The following SLC43A2 variants were observed in gnomAD, a reference collection of about 807,000 sequenced individuals.
SLC43A2 encodes the protein large neutral amino acids transporter small subunit 4.
Under a neutral mutation model 63.2 loss-of-function variants are expected in SLC43A2, and 38 were observed. That is an observed-to-expected ratio of 0.60 (90% CI 0.46 to 0.79). The LOEUF is 0.79. SLC43A2 is among the 30% of genes least tolerant of loss of function. SLC43A2 has a pLI of 0.00. For missense variants in SLC43A2, 644 were observed against 756.2 expected (o/e 0.85, Z 1.74); for synonymous variants, 322 against 331.0 (o/e 0.97, Z 0.30).
chr17:1,605,015 G>A lies in SLC43A2; in HGVS notation c.501+8180C>T. On this transcript the variant is annotated intron_variant, in intron 5 of 13. Transcript: ENST00000301335. The surrounding 1 kb of genome is among the most constrained non-coding windows in gnomAD (Gnocchi z 4.9). ...CTGGCGGAGGGGAAGGACCCCAGGA[G>A]GGGAAGGACCAGCTTTGCTGCCAAG... 7.0e-7 allele frequency: 1 copy of A among 1,431,330 alleles called. No homozygotes were observed. Among genetic ancestry groups the A allele is most frequent in the Non-Finnish European group, 9.1e-7 (1 of 1,094,144 alleles). The allele number at this position is 1,431,330 out of a possible 1,614,324, so 88.7% of individuals were successfully genotyped here.
At chr17:1,604,117 T>A (rs528202209) in intron 5 of SLC43A2, among the ~76,000 whole-genome samples, 1 of 152,316 alleles carries the variant, frequency 6.6e-6, no homozygotes, top group East Asian at 1.9e-4. Context: ...CTCAGCTCAC[T>A]TCAAGCTCCA....
chr17:1,599,849 C>G (rs935658348), intron 5 of SLC43A2, among the ~76,000 whole-genome samples: 2 of 150,834 alleles, frequency 1.3e-5, no homozygotes, highest in Non-Finnish European at 2.9e-5. Flanking sequence ...TCGAGACCAT[C>G]CTCGCTAACA....
chr17:1,597,965 C>T (rs1176113195), intron 5 of SLC43A2, among the ~76,000 whole-genome samples: 4 of 152,208 alleles, frequency 2.6e-5, no homozygotes, highest in South Asian at 2.1e-4. Flanking sequence ...GGACAAGCCT[C>T]GGTTCCCAAG....
intron 5 of SLC43A2, among the ~76,000 whole-genome samples, chr17:1,603,390 C>T (rs368445480): frequency 1.3e-5 from 2 of 152,254 alleles, no homozygotes. Flanking sequence ...GGTCATCCTT[C>T]ATGTTCTCTT....
At position 1,608,456 on chromosome 17, in the gene SLC43A2, C is replaced by T. The variant is rs200838523; in HGVS notation, c.501+4739G>A. Among the ~76,000 whole-genome samples, 11 of 151,850 alleles carry T rather than the reference C, an allele frequency of 7.2e-5. No individual in the cohort carries two copies. In the East Asian group the frequency reaches 7.7e-4, roughly 11 times the overall value. ...CCACCCAGGCTGGAGTGCAGTGGTG[C>T]GATCTCAGCTCACTGCAACCTCCGC... On this transcript the variant is annotated intron_variant, in intron 5 of 13. Transcript: ENST00000301335.
chr17:1,622,116 G>A (rs1052670125), intron 2 of SLC43A2, among the ~76,000 whole-genome samples: 1 of 152,180 alleles, frequency 6.6e-6, no homozygotes, highest in Non-Finnish European at 1.5e-5. Flanking sequence ...AAGAGCCAAG[G>A]CCACCAGCTC....
rs925809783 is a variant in SLC43A2 at position 1,612,503 on chromosome 17, C to T, written c.501+692G>A. Among the ~76,000 whole-genome samples, 5 of 152,214 alleles carry T rather than the reference C, an allele frequency of 3.3e-5. No homozygotes were observed. The East Asian group carries it at 5.8e-4, about 18-fold the overall frequency. On this transcript the variant is annotated intron_variant, in intron 5 of 13. Coordinates refer to ENST00000301335, the MANE Select transcript of SLC43A2 (RefSeq NM_152346.3). ...AAAGGCAAAGGTTGAGGCAGTTCCA[C>T]GGGAGGCGGGTGGTCAGGCTGCTCC... is the stretch of plus-strand genomic sequence containing the variant.
At chr17:1,594,787 A>T (rs1476658338) in intron 5 of SLC43A2, among the ~76,000 whole-genome samples, 2 of 151,308 alleles carry the variant, frequency 1.3e-5, no homozygotes, top group Non-Finnish European at 2.9e-5. Context: ...ACGGGGTTTC[A>T]CCACGTTAGC....
At position 1,575,762 on chromosome 17, in the gene SLC43A2, T is replaced by C. The variant is rs1219334128; in HGVS notation, c.1552A>G (p.Asn518Asp). 7 of 1,610,090 alleles carry C rather than the reference T, an allele frequency of 4.3e-6. No homozygotes were observed. Among genetic ancestry groups the C allele is most frequent in the Middle Eastern group, 1.9e-4 (1 of 5,218 alleles). ...GPLQGDPLWV[N>D]VGLLLLSLLG... ...AGGCTGAGAAGGAGCAGCCCCACGT[T>C]CACCTGGGGAGGCAGGGAGGCCGCG... Residue 518 changes from asparagine (N) to aspartate (D), a missense_variant, in exon 14 of 14, where the codon AAC becomes GAC. By Grantham distance (23) the Asn-to-Asp change is conservative. This residue lies in a region of SLC43A2 where 105 missense variants were observed against 101.7 expected (regional missense o/e 1.03). Transcript: ENST00000301335.
At chr17:1,622,318 T>G (rs984534106) in intron 2 of SLC43A2, among the ~76,000 whole-genome samples, 5 of 145,092 alleles carry the variant, frequency 3.4e-5, no homozygotes. Context: ...AATCCCAGCA[T>G]TGTGGGAGGC....
intron 5 of SLC43A2, among the ~76,000 whole-genome samples, chr17:1,601,944 C>T (rs1906077069): frequency 6.6e-6 from 1 of 151,050 alleles, no homozygotes; most frequent in Non-Finnish European, 1.5e-5. Flanking sequence ...GCACTGCCTT[C>T]CCGAAGGTCC....
At chr17:1,584,217 G>A (rs553634630) in intron 10 of SLC43A2, among the ~76,000 whole-genome samples, 26 of 152,082 alleles carry the variant, frequency 1.7e-4, no homozygotes, top group African/African-American at 3.6e-4. Context: ...ATTATCTCTC[G>A]TGAATGAACG....
chr17:1,583,551 T>C lies in SLC43A2; in HGVS notation c.1218-215A>G, dbSNP rs2076053640. 2 of 697,808 alleles carry C rather than the reference T, an allele frequency of 2.9e-6. No homozygotes were observed. Among genetic ancestry groups the C allele is most frequent in the Non-Finnish European group, 4.5e-6 (2 of 441,262 alleles). 43.2% of individuals were successfully genotyped at this position (697,808 alleles called of 1,614,324 possible). ...AGCTGAGTGTGACTCTCGGAGGGGGTCTCGGGTACAAGAAGATGGCCATCC... is the reference window on the plus strand; with the variant it reads ...AGCTGAGTGTGACTCTCGGAGGGGGCCTCGGGTACAAGAAGATGGCCATCC... On this transcript the variant is annotated intron_variant, in intron 10 of 13. Coordinates refer to ENST00000301335, the MANE Select transcript of SLC43A2 (RefSeq NM_152346.3). This position sits in a 1 kb window ranked among gnomAD's most constrained non-coding sequence, Gnocchi z 5.5.
intron 9 of SLC43A2, among the ~76,000 whole-genome samples, chr17:1,589,649 G>A (rs904195969): frequency 1.1e-4 from 17 of 151,960 alleles, no homozygotes; most frequent in Admixed American, 8.5e-4. Flanking sequence ...AGATGGAGTC[G>A]CACTCTGTCG....
rs753367068 is a variant in SLC43A2, at chr17:1,576,690, C to T, written c.1455G>A (p.Thr485=). The T allele has an allele frequency of 7.5e-6, 12 of 1,610,650 alleles. No individual in the cohort carries two copies. Among genetic ancestry groups the T allele is most frequent in the Middle Eastern group, 1.6e-4 (1 of 6,078 alleles). ...GCGCGCTGATCAGAGACTGCAGTCC[C>T]GTGAGGCTGCCGAACTGGGTGGAGG... ...VYPSTQFGSL[T]GLQSLISALF... The change falls in exon 13 of 14, where the codon ACG becomes ACA. Residue 485 remains threonine (T), a synonymous_variant. Coordinates refer to ENST00000301335, the MANE Select transcript of SLC43A2 (RefSeq NM_152346.3).
chr17:1,585,638 C>A, intron 10 of SLC43A2: 1 of 1,334,844 alleles, frequency 7.5e-7, no homozygotes. Flanking sequence ...TCTTCCTACC[C>A]CAGCCTTTCA....
intron 5 of SLC43A2, among the ~76,000 whole-genome samples, chr17:1,594,040 T>C (rs1002513358): frequency 6.6e-6 from 1 of 152,118 alleles, no homozygotes; most frequent in Non-Finnish European, 1.5e-5. Flanking sequence ...GGTTTCACCA[T>C]GTTGGCCAGG....
intron 5 of SLC43A2, among the ~76,000 whole-genome samples, chr17:1,603,956 A>G (rs1039370000): frequency 2.0e-5 from 3 of 152,198 alleles, no homozygotes; most frequent in Non-Finnish European, 4.4e-5. Context: ...GCCAATACAC[A>G]CTTCAGTTTG....
intron 5 of SLC43A2, among the ~76,000 whole-genome samples, chr17:1,599,271 C>T (rs1342817772): frequency 2.0e-5 from 3 of 151,276 alleles, no homozygotes; most frequent in East Asian, 2.0e-4. Flanking sequence ...ACCCAGGGGG[C>T]AGAGGTTGCA....
Sources: allele counts gnomAD v4.1 joint callset (sites outside exome capture counted in the v4.1 genomes callset), GRCh38; gene constraint gnomAD v4.1.1; regional missense constraint gnomAD v4.1.1; non-coding constraint Gnocchi (gnomAD v3.1); transcripts MANE v1.5; gene names NCBI Gene and HGNC (gene_info 2026-07-23, HGNC 2026-07-21).